Variants in SLC66A2 observed in about 807,000 individuals in gnomAD.
SLC66A2 encodes solute carrier family 66 member 2.
In SLC66A2, 23 loss-of-function variants were observed where a neutral mutation model predicts 25.5. That is an observed-to-expected ratio of 0.90 (90% CI 0.65 to 1.28). SLC66A2 has a LOEUF of 1.28. SLC66A2 is among the 50% of genes most tolerant of loss of function. The probability of loss-of-function intolerance (pLI) is 0.00; values close to 1 mark genes in which losing one functional copy is unlikely to be tolerated. For synonymous variants in SLC66A2, 193 were observed against 166.5 expected (o/e 1.16, Z -1.23); for missense variants, 396 against 373.1 (o/e 1.06, Z -0.51).
chr18:79,916,980 A>G (rs1304177108), intron 5 of SLC66A2, among the ~76,000 whole-genome samples: 2 of 152,252 alleles, frequency 1.3e-5, no homozygotes, highest in Non-Finnish European at 2.9e-5. Context: ...TGCCCGCCGC[A>G]GGACCGACTG....
chr18:79,924,543 C>T (rs1985694863), intron 4 of SLC66A2, among the ~76,000 whole-genome samples: 1 of 152,082 alleles, frequency 6.6e-6, no homozygotes. Flanking sequence ...TAAAAACCAC[C>T]GAACTGTGCA....
At chr18:79,936,616 C>G (rs1987114586) in intron 3 of SLC66A2, among the ~76,000 whole-genome samples, 1 of 152,202 alleles carries the variant, frequency 6.6e-6, no homozygotes, top group Non-Finnish European at 1.5e-5. Context: ...CTTTGAGCCA[C>G]AGACAATTAT....
Position 79,940,781 on chromosome 18 carries a change from C to A in SLC66A2, c.337+2548G>T, listed in dbSNP as rs890180592. ...GGACGTGGACATGTATAAACTCAAA[C>A]CGGACTCCAATATTAAGAGTGCTGC... is the stretch of plus-strand genomic sequence containing the variant. On this transcript the variant is annotated intron_variant, in intron 3 of 5. Coordinates refer to ENST00000397778, the MANE Select transcript of SLC66A2 (RefSeq NM_025078.5). The surrounding 1 kb of genome is among the most constrained non-coding windows in gnomAD (Gnocchi z 4.1). Among the ~76,000 whole-genome samples, 2 of 152,164 alleles carry A rather than the reference C, an allele frequency of 1.3e-5. No individual in the cohort carries two copies. The highest frequency in any genetic ancestry group is 4.8e-5 in the African/African-American group (2 of 41,440).
At chr18:79,936,740 G>T (rs1413945780) in intron 3 of SLC66A2, among the ~76,000 whole-genome samples, 4 of 152,220 alleles carry the variant, frequency 2.6e-5, no homozygotes, top group Middle Eastern at 3.2e-3. Flanking sequence ...GTATCCAGTT[G>T]CTGGTGCACC....
intron 5 of SLC66A2, among the ~76,000 whole-genome samples, chr18:79,911,230 C>A (rs933979598): frequency 2.0e-5 from 3 of 152,238 alleles, no homozygotes; most frequent in Non-Finnish European, 4.4e-5. Flanking sequence ...GCTGGTTAGC[C>A]CTGAGGGGCC....
chr18:79,910,861 CAACTTTCA>C (rs759666528), intron 5 of SLC66A2, among the ~76,000 whole-genome samples: 9 of 152,246 alleles, frequency 5.9e-5, no homozygotes, highest in Non-Finnish European at 1.3e-4. Context: ...TAACTGTGAA[CAACTTTCA>C]AACTATCTTC....
At chr18:79,916,209 G>A (rs113222705) in intron 5 of SLC66A2, among the ~76,000 whole-genome samples, 98 of 67,490 alleles carry the variant, frequency 1.5e-3, no homozygotes, top group Middle Eastern at 9.6e-3. Flanking sequence ...TCCCGTACCC[G>A]CGGCGCTCTT....
At chr18:79,944,315 A>G (rs1317686903) in intron 2 of SLC66A2, 2 of 152,370 alleles carry the variant, frequency 1.3e-5, no homozygotes, top group African/African-American at 4.8e-5. Context: ...CAGATGCGAA[A>G]TTTCCACATG....
intron 2 of SLC66A2, 146 bp from the exon 3 acceptor site, chr18:79,943,608 G>GT: frequency 1.1e-6 from 1 of 929,828 alleles, no homozygotes; most frequent in African/African-American, 1.7e-5. Flanking sequence ...GAGAGACCCT[G>GT]TGTCAGGCCC....
chr18:79,937,342 G>A lies in SLC66A2; in HGVS notation c.338-3320C>T, dbSNP rs569724817. Among the ~76,000 whole-genome samples, 31 of 152,290 alleles carry A rather than the reference G, an allele frequency of 2.0e-4. No individual in the cohort carries two copies. The highest frequency in any genetic ancestry group is 7.0e-4 in the African/African-American group (29 of 41,552). On this transcript the variant is annotated intron_variant, in intron 3 of 5. Coordinates refer to ENST00000397778, the MANE Select transcript of SLC66A2 (RefSeq NM_025078.5). The surrounding 1 kb of genome is among the most constrained non-coding windows in gnomAD (Gnocchi z 5.4). ...TCGAAAGGGCCCAGCAGCATCTGAC[G>A]CGGCTCCCCGGCCAGAGGGAAGAAC...
chr18:79,947,624 G>T, intron 2 of SLC66A2, among the ~76,000 whole-genome samples: 1 of 2,868 alleles, frequency 3.5e-4, no homozygotes, highest in Non-Finnish European at 6.8e-3. Flanking sequence ...CTTCTCACCG[G>T]AGCCTGCCCC....
In SLC66A2 at chr18:79,937,785, C is replaced by T. The variant is rs1209296776; in HGVS notation, c.338-3763G>A. Reference sequence around the variant, plus strand: ...AAGAGCCAAGGACAGAACACCTTGTCCTTGTCCACATCCCAGGGACATAAA... The same window carrying T: ...AAGAGCCAAGGACAGAACACCTTGTTCTTGTCCACATCCCAGGGACATAAA... On this transcript the variant is annotated intron_variant, in intron 3 of 5. Coordinates refer to ENST00000397778, the MANE Select transcript of SLC66A2 (RefSeq NM_025078.5). This position sits in a 1 kb window ranked among gnomAD's most constrained non-coding sequence, Gnocchi z 5.4. 6.6e-6 allele frequency among the ~76,000 whole-genome samples: 1 copy of T among 152,112 alleles called. No homozygotes were observed. Among genetic ancestry groups the T allele is most frequent in the African/African-American group, 2.4e-5 (1 of 41,420 alleles).
intron 4 of SLC66A2, among the ~76,000 whole-genome samples, chr18:79,922,061 T>C (rs1985304822): frequency 2.0e-5 from 3 of 149,972 alleles, no homozygotes; most frequent in South Asian, 2.1e-4. Context: ...AGATGGGAAC[T>C]GAGCGAGGGG....
At chr18:79,926,533 T>C (rs1985972824) in intron 4 of SLC66A2, among the ~76,000 whole-genome samples, 1 of 151,800 alleles carries the variant, frequency 6.6e-6, no homozygotes, top group Admixed American at 6.6e-5. Flanking sequence ...CGATGGGCGC[T>C]CGCAGGACGT....
rs1405314250 is a variant in SLC66A2 at position 79,904,106 on chromosome 18, T to C, written c.686A>G (p.Gln229Arg). 1 of 1,612,806 alleles carries C rather than the reference T, an allele frequency of 6.2e-7. No homozygotes were observed. Among genetic ancestry groups the C allele is most frequent in the Admixed American group, 1.7e-5 (1 of 59,980 alleles). ...AYFLLKGAPL[Q>R]FSVCGLLQVL... ...CTGCAGCAGGCCGCACACGGAGAAC[T>C]GCAGAGGGGCACCCTTCAGCAGGAA... Residue 229 changes from glutamine to arginine, a missense_variant, in exon 6 of 6, where the codon CAG becomes CGG. By Grantham distance (43) the Gln-to-Arg change is conservative. Transcript: ENST00000397778. The surrounding 1 kb of genome is among the most constrained non-coding windows in gnomAD (Gnocchi z 6.3).
intron 4 of SLC66A2, among the ~76,000 whole-genome samples, chr18:79,923,742 G>A (rs565347894): frequency 1.3e-5 from 2 of 152,220 alleles, no homozygotes; most frequent in Admixed American, 6.5e-5. Flanking sequence ...AAGATAAACC[G>A]GACTTCATCG....
chr18:79,912,373 T>C (rs1368459836), intron 5 of SLC66A2, among the ~76,000 whole-genome samples: 1 of 152,124 alleles, frequency 6.6e-6, no homozygotes, highest in East Asian at 1.9e-4. Context: ...AGAGCAAACG[T>C]GGCAAATCTA....
In SLC66A2 at chr18:79,903,910, C is replaced by G; in HGVS notation, c.*66G>C. ...GCAGGGGCCACAGCACCCACCCTCC[C>G]CGCGGGGAGGTCAGGGCCCACCAGT... is the stretch of plus-strand genomic sequence containing the variant. On this transcript the variant is annotated 3_prime_UTR_variant, in exon 6 of 6. Transcript: ENST00000397778. The G allele has an allele frequency of 2.1e-6, 3 of 1,446,064 alleles. No homozygotes were observed. The highest frequency in any genetic ancestry group is 9.3e-7 in the Non-Finnish European group (1 of 1,075,772). The allele number at this position is 1,446,064 out of a possible 1,614,324, so 89.6% of individuals were successfully genotyped here.
intron 3 of SLC66A2, among the ~76,000 whole-genome samples, chr18:79,934,480 T>C (rs1216530148): frequency 1.3e-5 from 2 of 152,122 alleles, no homozygotes; most frequent in Non-Finnish European, 2.9e-5. Context: ...GATAAAGCTG[T>C]TTTCAGAGTA....
Sources: allele counts gnomAD v4.1 joint callset (sites outside exome capture counted in the v4.1 genomes callset), GRCh38; gene constraint gnomAD v4.1.1; non-coding constraint Gnocchi (gnomAD v3.1); transcripts MANE v1.5; gene names NCBI Gene and HGNC (gene_info 2026-07-23, HGNC 2026-07-21).